Variants in HPS1 observed in about 807,000 individuals in gnomAD.
HPS1 encodes HPS1 biogenesis of lysosomal organelles complex 3 subunit 1, also known as BLOC-3 complex member HPS1.
HPS1 carries 59 observed loss-of-function variants against 90.6 expected under a neutral mutation model. That is an observed-to-expected ratio of 0.65 (90% CI 0.53 to 0.81). HPS1 has a LOEUF of 0.81. Ranked by LOEUF, HPS1 falls within the 30% of genes least tolerant of loss-of-function variation. The pLI is 0.00. For missense variants in HPS1, 849 were observed against 896.7 expected (o/e 0.95, Z 0.68); for synonymous variants, 388 against 384.4 (o/e 1.01, Z -0.11).
At chr10:98,430,361 A>G (rs1255592311) in intron 8 of HPS1, among the ~76,000 whole-genome samples, 2 of 152,130 alleles carry the variant, frequency 1.3e-5, no homozygotes, top group Non-Finnish European at 2.9e-5. Flanking sequence ...GACTTGAAAA[A>G]TCTGCACTTT....
intron 19 of HPS1, 97 bp downstream of exon 19, chr10:98,418,078 T>C (rs896625674): frequency 1.2e-6 from 1 of 816,360 alleles, no homozygotes; most frequent in Admixed American, 2.1e-5. Context: ...GGGTCTGAGG[T>C]AGGGCACTGC....
At chr10:98,444,316 T>G (rs557695121) in intron 2 of HPS1, among the ~76,000 whole-genome samples, 2 of 149,110 alleles carry the variant, frequency 1.3e-5, no homozygotes, top group South Asian at 4.4e-4. Flanking sequence ...AAGAAATGTC[T>G]TAACTATTCA....
chr10:98,435,206 C>A lies in HPS1; in HGVS notation c.398+66G>T, dbSNP rs1847129023. ...AAATGGCAGCTTCACAGGGGCTGGGCACACGCTGCCTGGCCCAGCGAGGGT... is the reference window on the plus strand; with the variant it reads ...AAATGGCAGCTTCACAGGGGCTGGGAACACGCTGCCTGGCCCAGCGAGGGT... On this transcript the variant is annotated intron_variant, in intron 5 of 19. Transcript: ENST00000361490. This position sits in a 1 kb window ranked among gnomAD's most constrained non-coding sequence, Gnocchi z 4.3. 2.5e-6 allele frequency: 4 copies of A among 1,602,924 alleles called. No individual in the cohort carries two copies. Among genetic ancestry groups the A allele is most frequent in the Non-Finnish European group, 3.4e-6 (4 of 1,171,566 alleles).
chr10:98,422,337 C>CA, intron 17 of HPS1, 32 bp downstream of exon 17: 3 of 1,594,474 alleles, frequency 1.9e-6, no homozygotes, highest in Non-Finnish European at 2.6e-6. Context: ...GGCTGAGGCC[C>CA]ACCCATCCCC....
At chr10:98,422,245 C>G (rs1844975837) in intron 17 of HPS1, 124 bp downstream of exon 17, 1 of 1,014,746 alleles carries the variant, frequency 9.9e-7, no homozygotes, top group African/African-American at 1.6e-5. Context: ...CGGCACTGGC[C>G]ACTGCCTCCT....
Position 98,435,529 on chromosome 10 carries a change from C to T in HPS1, c.255+106G>A. 6.2e-7 allele frequency: 1 copy of T among 1,606,578 alleles called. No homozygotes were observed. ...GGTCCCAGGCGGGTTTGATAAGATGCCGTTTCTGCCTTCTAAAGGAGTCTA... is the reference window on the plus strand; with the variant it reads ...GGTCCCAGGCGGGTTTGATAAGATGTCGTTTCTGCCTTCTAAAGGAGTCTA... On this transcript the variant is annotated intron_variant, in intron 4 of 19. Coordinates refer to ENST00000361490, the MANE Select transcript of HPS1 (RefSeq NM_000195.5). The surrounding 1 kb of genome is among the most constrained non-coding windows in gnomAD (Gnocchi z 4.3).
intron 1 of HPS1, among the ~76,000 whole-genome samples, chr10:98,446,310 T>C (rs1362525262): frequency 6.6e-6 from 1 of 152,170 alleles, no homozygotes; most frequent in Non-Finnish European, 1.5e-5. Context: ...ACCTCGCCGG[T>C]GTCACACTGA....
In HPS1 at chr10:98,434,007, C is replaced by T. The variant is rs573247261; in HGVS notation, c.483G>A (p.Glu161=). The change falls in exon 6 of 20, where the codon GAG becomes GAA. Residue 161 remains glutamate (E), a synonymous_variant. Coordinates refer to ENST00000361490, the MANE Select transcript of HPS1 (RefSeq NM_000195.5). ...SLLWTYSRLR[E]QEQCFAVEAL... is the part of the protein sequence containing the mutation. The stretch of plus-strand genomic sequence containing the variant: ...CCTCCACGGCGAAGCACTGCTCCTG[C>T]TCCCGCAGGCGGCTGTAGGTCCACA... 10 of 1,558,900 alleles carry T rather than the reference C, an allele frequency of 6.4e-6. No homozygotes were observed. Among genetic ancestry groups the T allele is most frequent in the East Asian group, 2.4e-5 (1 of 41,806 alleles).
chr10:98,425,346 G>T (rs570071705), intron 13 of HPS1, among the ~76,000 whole-genome samples, 195 bp downstream of exon 13: 2 of 152,244 alleles, frequency 1.3e-5, no homozygotes, highest in African/African-American at 4.8e-5. Context: ...CACATAAAAA[G>T]ATTCTGAAAA....
At chr10:98,432,888 A>ACTAGC (rs761113315) in intron 6 of HPS1, among the ~76,000 whole-genome samples, 19,490 of 152,138 alleles carry the variant, frequency 0.13, 1,515 homozygotes, top group South Asian at 0.22. Context: ...GTGGTTTTCA[A>ACTAGC]AGTGTGGTTC....
At position 98,435,472 on chromosome 10, in the gene HPS1, C is replaced by T; in HGVS notation, c.256-58G>A. 1.2e-6 allele frequency: 2 copies of T among 1,613,326 alleles called. No individual in the cohort carries two copies. Among genetic ancestry groups the T allele is most frequent in the Non-Finnish European group, 8.5e-7 (1 of 1,179,720 alleles). On this transcript the variant is annotated intron_variant, in intron 4 of 19. Coordinates refer to ENST00000361490, the MANE Select transcript of HPS1 (RefSeq NM_000195.5). The surrounding 1 kb of genome is among the most constrained non-coding windows in gnomAD (Gnocchi z 4.3). ...CCCAAGGGCACTCCCTTCACCTGCCCTGGTCTCTGCAGACAAGCCAGGGGA... is the reference window on the plus strand; with the variant it reads ...CCCAAGGGCACTCCCTTCACCTGCCTTGGTCTCTGCAGACAAGCCAGGGGA...
intron 16 of HPS1, among the ~76,000 whole-genome samples, chr10:98,423,163 GC>G (rs1249370794): frequency 6.6e-6 from 1 of 152,148 alleles, no homozygotes; most frequent in African/African-American, 2.4e-5. Flanking sequence ...CTTAGGAATG[GC>G]TTCTGAAACA....
chr10:98,435,513 C>A lies in HPS1; in HGVS notation c.256-99G>T, dbSNP rs746257267. 46 of 1,609,432 alleles carry A rather than the reference C, an allele frequency of 2.9e-5. No homozygotes were observed. The highest frequency in any genetic ancestry group is 4.0e-5 in the African/African-American group (3 of 74,754). On this transcript the variant is annotated intron_variant, in intron 4 of 19. Transcript: ENST00000361490. This position sits in a 1 kb window ranked among gnomAD's most constrained non-coding sequence, Gnocchi z 4.3. ...AGCCAGGGGAGGCTCGGGTCCCAGGCGGGTTTGATAAGATGCCGTTTCTGC... is the reference window on the plus strand; with the variant it reads ...AGCCAGGGGAGGCTCGGGTCCCAGGAGGGTTTGATAAGATGCCGTTTCTGC...
In HPS1 at chr10:98,434,010, C is replaced by T. The variant is rs1846920585; in HGVS notation, c.480G>A (p.Arg160=). The T allele has an allele frequency of 1.3e-6, 2 of 1,558,786 alleles. No individual in the cohort carries two copies. Among genetic ancestry groups the T allele is most frequent in the Non-Finnish European group, 1.7e-6 (2 of 1,151,140 alleles). The change falls in exon 6 of 20, where the codon CGG becomes CGA. Residue 160 remains arginine (R), a synonymous_variant. Coordinates refer to ENST00000361490, the MANE Select transcript of HPS1 (RefSeq NM_000195.5). ...QSLLWTYSRL[R]EQEQCFAVEA... ...CCACGGCGAAGCACTGCTCCTGCTC[C>T]CGCAGGCGGCTGTAGGTCCACAGCA...
Position 98,435,782 on chromosome 10 carries a change from T to C in HPS1, c.118-10A>G, listed in dbSNP as rs779114844. ...CCTCCAGGGCAGGGAGCTGCAAAAATGGGGGAAAATTTCACAGCTTAGAGT... is the reference window on the plus strand; with the variant it reads ...CCTCCAGGGCAGGGAGCTGCAAAAACGGGGGAAAATTTCACAGCTTAGAGT... On this transcript the variant is annotated splice_polypyrimidine_tract_variant and intron_variant, in intron 3 of 19. Coordinates refer to ENST00000361490, the MANE Select transcript of HPS1 (RefSeq NM_000195.5). This position sits in a 1 kb window ranked among gnomAD's most constrained non-coding sequence, Gnocchi z 4.3. 1 of 1,613,134 alleles carries C rather than the reference T, an allele frequency of 6.2e-7. No homozygotes were observed. The highest frequency in any genetic ancestry group is 8.5e-7 in the Non-Finnish European group (1 of 1,179,790).
intron 17 of HPS1, chr10:98,420,505 G>C: frequency 2.8e-6 from 1 of 351,036 alleles, no homozygotes; most frequent in South Asian, 2.2e-5. Context: ...CTTGAGCTCA[G>C]GAGTTCGAGA....
chr10:98,424,434 C>T, intron 13 of HPS1, 60 bp from the exon 14 acceptor site: 2 of 1,439,138 alleles, frequency 1.4e-6, no homozygotes, highest in South Asian at 2.4e-5. Context: ...AGGTCCAGGC[C>T]AAAGTCCTTC....
intron 3 of HPS1, among the ~76,000 whole-genome samples, chr10:98,439,303 C>T (rs1189812216): frequency 1.3e-5 from 2 of 152,182 alleles, no homozygotes; most frequent in Non-Finnish European, 2.9e-5. Context: ...ACAGCTTGCA[C>T]CATGCACCTG....
intron 16 of HPS1, 145 bp from the exon 17 acceptor site, chr10:98,422,658 T>C (rs936813869): frequency 1.2e-6 from 1 of 815,870 alleles, no homozygotes; most frequent in Non-Finnish European, 2.1e-6. Flanking sequence ...AAGCCCCCTG[T>C]ATCCTTGCTT....
Sources: gnomAD v4.1 joint callset for allele counts (sites outside exome capture counted in the v4.1 genomes callset) on GRCh38, gnomAD v4.1.1 for gene constraint, Gnocchi (gnomAD v3.1) non-coding constraint, MANE v1.5 for transcripts, NCBI Gene and HGNC (gene_info 2026-07-23, HGNC 2026-07-21) for gene names.